HDAC4: variants seen among roughly 807,000 people sequenced by gnomAD.
HDAC4 encodes histone deacetylase 4.
A neutral mutation model predicts 135.1 loss-of-function variants in HDAC4; 16 were observed. The observed-to-expected ratio is 0.12, with a 90% CI of 0.08 to 0.18. The LOEUF (loss-of-function observed/expected upper bound fraction) is 0.18. Among genes scored for constraint, HDAC4 ranks in the 10% least tolerant of loss-of-function variants. The probability of loss-of-function intolerance (pLI) is 1.00; values close to 1 mark genes in which losing one functional copy is unlikely to be tolerated. For synonymous variants in HDAC4, 685 were observed against 653.4 expected (o/e 1.05, Z -0.74); for missense variants, 1,143 against 1,511.8 (o/e 0.76, Z 4.05).
At chr2:239,092,584 G>C (rs1277271722) in intron 17 of HDAC4, among the ~76,000 whole-genome samples, 1 of 152,228 alleles carries the variant, frequency 6.6e-6, no homozygotes, top group Non-Finnish European at 1.5e-5. Context: ...CTGGGGTTCA[G>C]AAGCTTCTGG....
chr2:239,305,882 G>A (rs901223804), intron 2 of HDAC4, among the ~76,000 whole-genome samples: 3 of 152,138 alleles, frequency 2.0e-5, no homozygotes, highest in African/African-American at 4.8e-5. Flanking sequence ...CGAGGCTGCC[G>A]CTGCCCACAC....
chr2:239,053,516 G>C lies in HDAC4; in HGVS notation c.3174C>G (p.Ala1058=). The C allele has an allele frequency of 6.2e-7, 1 of 1,613,844 alleles. No homozygotes were observed. Among genetic ancestry groups the C allele is most frequent in the Non-Finnish European group, 8.5e-7 (1 of 1,179,982 alleles). The change falls in exon 26 of 27, where the codon GCC becomes GCG. Residue 1058 remains alanine, a synonymous_variant. Transcript: ENST00000543185. ...GCGAGGCCATGGCGGTGACCGTCTC[G>C]GCTTCTTCGTTCTCGCAAGTCTGAG... ...IEAQTCENEE[A]ETVTAMASLS...
intron 22 of HDAC4, among the ~76,000 whole-genome samples, chr2:239,073,932 T>C (rs1488597207): frequency 1.3e-5 from 2 of 149,890 alleles, no homozygotes; most frequent in East Asian, 3.9e-4. Context: ...GCTTCCTCCA[T>C]GGCTCTGACC....
intron 16 of HDAC4, among the ~76,000 whole-genome samples, chr2:239,098,107 A>G (rs1217238423): frequency 2.0e-5 from 3 of 152,244 alleles, no homozygotes; most frequent in African/African-American, 7.2e-5. Context: ...TTTGCTCATT[A>G]TCTAGCAAAG....
chr2:239,094,903 C>T (rs2036865805), intron 17 of HDAC4, 107 bp downstream of exon 17: 1 of 1,604,152 alleles, frequency 6.2e-7, no homozygotes, highest in Non-Finnish European at 8.5e-7. Context: ...GTATGGAAAA[C>T]ACCTGGCAGC....
chr2:239,057,935 G>GGAAAT (rs1466473345), intron 24 of HDAC4, among the ~76,000 whole-genome samples: 1 of 152,144 alleles, frequency 6.6e-6, no homozygotes, highest in Non-Finnish European at 1.5e-5. Flanking sequence ...AAAGAAAGAA[G>GGAAAT]GAAATGAAAC....
At chr2:239,125,271 T>C (rs572854714) in intron 12 of HDAC4, among the ~76,000 whole-genome samples, 1 of 152,224 alleles carries the variant, frequency 6.6e-6, no homozygotes, top group East Asian at 1.9e-4. Flanking sequence ...AATGAGTGGG[T>C]TCTGGTGAGG....
intron 1 of HDAC4, among the ~76,000 whole-genome samples, chr2:239,380,508 G>C (rs1394685008): frequency 6.6e-6 from 1 of 152,094 alleles, no homozygotes; most frequent in Non-Finnish European, 1.5e-5. Flanking sequence ...CAGTAACCTT[G>C]TGTTTCAGAA....
At chr2:239,325,838 G>A (rs1461294764) in intron 2 of HDAC4, among the ~76,000 whole-genome samples, 1 of 152,100 alleles carries the variant, frequency 6.6e-6, no homozygotes, top group Admixed American at 6.5e-5. Context: ...GGTGGCGGGT[G>A]TCTGTAGTCC....
chr2:239,257,957 T>A (rs2049139521), intron 2 of HDAC4, among the ~76,000 whole-genome samples: 1 of 152,176 alleles, frequency 6.6e-6, no homozygotes, highest in Non-Finnish European at 1.5e-5. Flanking sequence ...CCAGGACCCA[T>A]AAACAATAGT....
intron 1 of HDAC4, among the ~76,000 whole-genome samples, chr2:239,388,019 C>T (rs562012115): frequency 3.3e-5 from 5 of 152,278 alleles, no homozygotes; most frequent in Admixed American, 6.5e-5. Flanking sequence ...CAGGGACTAA[C>T]GGACCACACG....
Position 239,163,930 on chromosome 2 carries a change from T to C in HDAC4, c.491-7A>G, listed in dbSNP as rs1205060411. 2 of 1,613,768 alleles carry C rather than the reference T, an allele frequency of 1.2e-6. No individual in the cohort carries two copies. Among genetic ancestry groups the C allele is most frequent in the Non-Finnish European group, 1.7e-6 (2 of 1,179,996 alleles). ...TCTGTGCTGGCCACGGCACCTGGCG[T>C]GGGAGAAAGCATAGCAGGGGGTGAA... On this transcript the variant is annotated splice_polypyrimidine_tract_variant and splice_region_variant and intron_variant, in intron 5 of 26. Coordinates refer to ENST00000543185, the MANE Select transcript of HDAC4 (RefSeq NM_001378414.1).
At position 239,066,810 on chromosome 2, in the gene HDAC4, C is replaced by A; in HGVS notation, c.2915G>T (p.Arg972Leu). Residue 972 changes from arginine (R) to leucine (L), a missense_variant, in exon 24 of 27, where the codon CGG becomes CTG. Arg to Leu is a moderately radical substitution (Grantham distance 102). Around this residue, in one of 9 missense-constraint regions of HDAC4, gnomAD observed 189 missense variants for 317.6 expected, o/e 0.60. Transcript: ENST00000543185. ...TKQLMGLAGG[R>L]IVLALEGGHD... ...GCCTCCCTCGAGGGCCAGGACAATC[C>A]GGCCGCCAGCCAGGCCCATCAGCTG... 8 of 1,613,400 alleles carry A rather than the reference C, an allele frequency of 5.0e-6. No homozygotes were observed. Among genetic ancestry groups the A allele is most frequent in the Non-Finnish European group, 5.1e-6 (6 of 1,179,922 alleles).
In HDAC4 at chr2:239,048,595, T is replaced by TA. The variant is rs1491411795; in HGVS notation, c.*4501dup. 1.7e-4 allele frequency: 15 copies of TA among 89,740 alleles called. No individual in the cohort carries two copies. The highest frequency in any genetic ancestry group is 4.0e-4 in the Non-Finnish European group (15 of 37,726). The allele number at this position is 89,740 out of a possible 1,614,324, so 5.6% of individuals were successfully genotyped here. ...TAGATAGATAGATAGATAGATAGAT[T>TA]ATATATGTTTGTCATTCTCATCAAT... On this transcript the variant is annotated 3_prime_UTR_variant, in exon 27 of 27. Coordinates refer to ENST00000543185, the MANE Select transcript of HDAC4 (RefSeq NM_001378414.1).
chr2:239,295,032 G>T (rs974323946), intron 2 of HDAC4, among the ~76,000 whole-genome samples: 1 of 152,162 alleles, frequency 6.6e-6, no homozygotes. Context: ...TATAGGCCGG[G>T]CGCGGTGGCT....
intron 13 of HDAC4, among the ~76,000 whole-genome samples, chr2:239,114,006 A>G (rs1231071850): frequency 2.0e-5 from 3 of 152,206 alleles, no homozygotes; most frequent in Non-Finnish European, 4.4e-5. Context: ...CCTGACCCAG[A>G]AGCCTCTGGA....
Position 239,110,336 on chromosome 2 carries a change from C to T in HDAC4, c.1978+1190G>A, listed in dbSNP as rs563617164. 1.4e-4 allele frequency among the ~76,000 whole-genome samples: 22 copies of T among 152,300 alleles called. No individual in the cohort carries two copies. The South Asian group carries it at 2.1e-3, about 14-fold the overall frequency. ...AAACTAAGAAAGGACACCAACGAAG[C>T]GGGACTCCCTGCAAGTCTCCTGGGA... On this transcript the variant is annotated intron_variant, in intron 14 of 26. Transcript: ENST00000543185.
At chr2:239,357,710 CCT>C (rs1356538521) in intron 1 of HDAC4, among the ~76,000 whole-genome samples, 1 of 147,894 alleles carries the variant, frequency 6.8e-6, no homozygotes, top group Non-Finnish European at 1.5e-5. Flanking sequence ...ATTGTGAAAC[CCT>C]GTCTCGACAA....
Position 239,281,266 on chromosome 2 carries a change from TACAC to T in HDAC4, c.23-44606_23-44603del, listed in dbSNP as rs1428361373. On this transcript the variant is annotated intron_variant, in intron 2 of 26. Coordinates refer to ENST00000543185, the MANE Select transcript of HDAC4 (RefSeq NM_001378414.1). The stretch of plus-strand genomic sequence containing the variant: ...TCTCCACACAATGTACACACCACTC[TACAC>T]ACAATGAACACACCACTCTACAATG... Among the ~76,000 whole-genome samples, 28 of 128,690 alleles carry T rather than the reference TACAC, an allele frequency of 2.2e-4. 1 individual carries two copies. Among genetic ancestry groups the T allele is most frequent in the Middle Eastern group, 5.3e-3 (1 of 190 alleles). 84.4% of individuals were successfully genotyped at this position (128,690 alleles called of 152,430 possible).
Sources: allele counts gnomAD v4.1 joint callset (sites outside exome capture counted in the v4.1 genomes callset), GRCh38; gene constraint gnomAD v4.1.1; regional missense constraint gnomAD v4.1.1; transcripts MANE v1.5; gene names NCBI Gene and HGNC (gene_info 2026-07-23, HGNC 2026-07-21).